Variants in ZNF860 observed in about 807,000 individuals in gnomAD.
ZNF860 encodes the protein zinc finger protein 860.
For missense variants in ZNF860, 641 were observed against 759.2 expected (o/e 0.84, Z 1.83); for synonymous variants, 206 against 248.9 (o/e 0.83, Z 1.62).
intron 1 of ZNF860, among the ~76,000 whole-genome samples, chr3:31,985,284 C>A (rs1443349258): frequency 6.6e-6 from 1 of 152,044 alleles, no homozygotes; most frequent in Admixed American, 6.6e-5. Flanking sequence ...CACAAATGCT[C>A]AATATAAGGA....
At chr3:31,999,323 T>A in the ZNF860 span, among the ~76,000 whole-genome samples, 1 of 152,014 alleles carries the variant, frequency 6.6e-6, no homozygotes, top group Non-Finnish European at 1.5e-5. Context: ...TGATTATTTA[T>A]GCTTTGGGAG....
the ZNF860 span, among the ~76,000 whole-genome samples, chr3:32,004,831 G>T: frequency 6.6e-6 from 1 of 152,138 alleles, no homozygotes; most frequent in African/African-American, 2.4e-5. Context: ...AGGATAGCTA[G>T]AATTTTTACA....
the ZNF860 span, among the ~76,000 whole-genome samples, chr3:32,002,964 G>T: frequency 2.0e-5 from 3 of 152,170 alleles, no homozygotes; most frequent in African/African-American, 7.2e-5. Context: ...TATGATGAGG[G>T]TTTAATTTAG....
the ZNF860 span, among the ~76,000 whole-genome samples, chr3:32,000,874 C>T: frequency 8.5e-5 from 13 of 152,278 alleles, no homozygotes; most frequent in East Asian, 1.9e-3. Flanking sequence ...TACTCTAAGA[C>T]GTGCAGCTTT....
In ZNF860 at chr3:31,990,911, G is replaced by C; in HGVS notation, c.1832G>C (p.Arg611Thr). 4 of 1,574,444 alleles carry C rather than the reference G, an allele frequency of 2.5e-6. No individual in the cohort carries two copies. The highest frequency in any genetic ancestry group is 8.6e-7 in the Non-Finnish European group (1 of 1,158,758). Residue 611 changes from arginine (R) to threonine (T), a missense_variant, in exon 2 of 2, where the codon AGA (arginine) becomes ACA (threonine). Physicochemically the swap from Arg to Thr is moderately conservative, Grantham distance 71 (BLOSUM62 -1). Transcript: ENST00000360311. ...TTTACTTCACATTCACATCGCATTA[G>C]ACATCAGAGAATCCATACCGGACAG... ...KAFTSHSHRI[R>T]HQRIHTGQKS...
intron 1 of ZNF860, among the ~76,000 whole-genome samples, chr3:31,984,630 C>A (rs1698908033): frequency 6.6e-6 from 1 of 152,086 alleles, no homozygotes; most frequent in African/African-American, 2.4e-5. Context: ...AATCTTGTGA[C>A]CTCTGGAAAA....
At chr3:32,001,938 A>C in the ZNF860 span, among the ~76,000 whole-genome samples, 49 of 152,326 alleles carry the variant, frequency 3.2e-4, no homozygotes, top group Admixed American at 1.3e-3. Context: ...TATTATGCTT[A>C]ATAAAATATC....
At chr3:31,996,511 G>A (rs1056429562), downstream of ZNF860, among the ~76,000 whole-genome samples, 9 of 152,048 alleles carry the variant, frequency 5.9e-5, no homozygotes, top group African/African-American at 2.2e-4. Context: ...GGGAGAAGGG[G>A]GTTAGTGGAC....
chr3:31,983,616 A>G (rs761693187), intron 1 of ZNF860, among the ~76,000 whole-genome samples: 2 of 152,188 alleles, frequency 1.3e-5, no homozygotes, highest in Non-Finnish European at 2.9e-5. Flanking sequence ...TGAAAGAGTG[A>G]TGAAGCACAT....
downstream of ZNF860, among the ~76,000 whole-genome samples, chr3:31,995,763 C>A (rs912554642): frequency 6.6e-6 from 1 of 152,162 alleles, no homozygotes; most frequent in Non-Finnish European, 1.5e-5. Context: ...TCTGCTGAGG[C>A]TCCAGCCGGT....
At chr3:31,983,323 T>C (rs1207211199) in intron 1 of ZNF860, among the ~76,000 whole-genome samples, 1 of 152,210 alleles carries the variant, frequency 6.6e-6, no homozygotes, top group Non-Finnish European at 1.5e-5. Flanking sequence ...CACCTTAAGC[T>C]CCTGCTAAAA....
chr3:32,005,481 A>G, the ZNF860 span, among the ~76,000 whole-genome samples: 2 of 152,118 alleles, frequency 1.3e-5, no homozygotes, highest in Non-Finnish European at 2.9e-5. Context: ...ACCCAGGAGT[A>G]GGCTAAATAA....
At chr3:31,999,239 A>C in the ZNF860 span, among the ~76,000 whole-genome samples, 1 of 151,480 alleles carries the variant, frequency 6.6e-6, no homozygotes, top group East Asian at 1.9e-4. Context: ...CTTGCCAGCT[A>C]CTCCCCTAAC....
intron 1 of ZNF860, among the ~76,000 whole-genome samples, chr3:31,982,205 TTC>T (rs1466579204): frequency 1.3e-5 from 2 of 152,174 alleles, no homozygotes; most frequent in Non-Finnish European, 2.9e-5. Context: ...CATTGAAGGA[TTC>T]TCTGTGTTGG....
chr3:31,984,141 C>A (rs975426600), intron 1 of ZNF860, among the ~76,000 whole-genome samples: 1 of 152,202 alleles, frequency 6.6e-6, no homozygotes, highest in South Asian at 2.1e-4. Context: ...GGGTTCACGT[C>A]ATTCTCCTGC....
chr3:31,989,819 A>G lies in ZNF860; in HGVS notation c.740A>G (p.Lys247Arg). 6.2e-7 allele frequency: 1 copy of G among 1,614,216 alleles called. No homozygotes were observed. Among genetic ancestry groups the G allele is most frequent in the Non-Finnish European group, 8.5e-7 (1 of 1,180,030 alleles). The part of the protein sequence containing the change: ...KAFNCSSLLR[K>R]HQIIYLGGKQ... ...TTTAATTGTAGCTCACTCTTAAGGAAACATCAGATAATCTATTTAGGAGGG... is the reference window on the plus strand; with the variant it reads ...TTTAATTGTAGCTCACTCTTAAGGAGACATCAGATAATCTATTTAGGAGGG... Residue 247 changes from lysine to arginine, a missense_variant, in exon 2 of 2, where the codon AAA becomes AGA. By Grantham distance (26) the Lys-to-Arg change is conservative. Coordinates refer to ENST00000360311, the MANE Select transcript of ZNF860 (RefSeq NM_001137674.3).
intron 1 of ZNF860, chr3:31,986,381 A>G (rs995011906): frequency 3.3e-5 from 5 of 152,170 alleles, no homozygotes; most frequent in Non-Finnish European, 7.3e-5. Context: ...CTTACCATCC[A>G]GTGGGAAGAA....
the ZNF860 span, among the ~76,000 whole-genome samples, chr3:32,000,321 G>C: frequency 6.6e-6 from 1 of 152,032 alleles, no homozygotes; most frequent in Non-Finnish European, 1.5e-5. Context: ...TTATAATACG[G>C]GCTCAAAGAC....
chr3:31,991,162 T>A lies in ZNF860; in HGVS notation c.*184T>A. ...ATTAAAGTGTTTACGTTAAGAGGAT[T>A]GGGCTGGGCAGGGTGGCTTATACCT... On this transcript the variant is annotated 3_prime_UTR_variant, in exon 2 of 2. Transcript: ENST00000360311. 2 of 684,682 alleles carry A rather than the reference T, an allele frequency of 2.9e-6. No homozygotes were observed. Among genetic ancestry groups the A allele is most frequent in the South Asian group, 4.1e-5 (2 of 48,518 alleles). The allele number at this position is 684,682 out of a possible 1,614,324, so 42.4% of individuals were successfully genotyped here. A position where few individuals can be genotyped will look rare whatever the true frequency, so the allele number is the denominator to read the frequency against.
Sources: gnomAD v4.1 joint callset for allele counts (sites outside exome capture counted in the v4.1 genomes callset) on GRCh38, gnomAD v4.1.1 for gene constraint, MANE v1.5 for transcripts, NCBI Gene and HGNC (gene_info 2026-07-23, HGNC 2026-07-21) for gene names.